FNDC3B: variants seen among roughly 807,000 people sequenced by gnomAD.
FNDC3B encodes the protein fibronectin type III domain containing 3B, also known as fibronectin type III domain-containing protein 3B.
In FNDC3B, 12 loss-of-function variants were observed where a neutral mutation model predicts 151.5. That is an observed-to-expected ratio of 0.08 (90% CI 0.05 to 0.13). The LOEUF (loss-of-function observed/expected upper bound fraction) is 0.13, where lower values mean the gene tolerates loss of function less well. Ranked by LOEUF, FNDC3B falls within the 10% of genes least tolerant of loss-of-function variation. The pLI is 1.00. For synonymous variants in FNDC3B, 528 were observed against 549.0 expected, an observed-to-expected ratio of 0.96 and a Z score of 0.54; for missense variants, 1,214 against 1,505.3, an observed-to-expected ratio of 0.81 and a Z score of 3.20.
chr3:172,128,755 T>C (rs547694168), intron 2 of FNDC3B, among the ~76,000 whole-genome samples: 17 of 152,298 alleles, frequency 1.1e-4, no homozygotes, highest in Non-Finnish European at 1.9e-4. Flanking sequence ...AAGATACCTG[T>C]TGGATAATCA....
intron 6 of FNDC3B, among the ~76,000 whole-genome samples, chr3:172,253,365 A>G (rs1296826358): frequency 6.6e-6 from 1 of 152,214 alleles, no homozygotes; most frequent in Non-Finnish European, 1.5e-5. Flanking sequence ...TGAATCACAT[A>G]GTGTAGACGA....
At chr3:172,211,024 A>G (rs75554255) in intron 3 of FNDC3B, among the ~76,000 whole-genome samples, 3,587 of 152,318 alleles carry the variant, frequency 0.024, 147 homozygotes, top group African/African-American at 0.083. Flanking sequence ...TGTTCCAGAA[A>G]CCTTTAAGTT....
intron 6 of FNDC3B, among the ~76,000 whole-genome samples, chr3:172,252,156 A>G (rs1728114217): frequency 6.6e-6 from 1 of 152,132 alleles, no homozygotes; most frequent in Admixed American, 6.5e-5. Flanking sequence ...TGGGTAGATC[A>G]GTTCATTTGG....
intron 3 of FNDC3B, among the ~76,000 whole-genome samples, chr3:172,183,688 C>G (rs1724031943): frequency 6.6e-6 from 1 of 152,196 alleles, no homozygotes; most frequent in Admixed American, 6.5e-5. Context: ...CTAAGATAAC[C>G]TGTTGAAGTA....
chr3:172,072,905 C>T (rs896801340), intron 1 of FNDC3B, among the ~76,000 whole-genome samples: 5 of 152,148 alleles, frequency 3.3e-5, no homozygotes, highest in African/African-American at 9.7e-5. Flanking sequence ...GTGCTTTCAT[C>T]TAAGCCTTTA....
intron 3 of FNDC3B, among the ~76,000 whole-genome samples, chr3:172,221,425 C>T (rs1045132700): frequency 4.0e-5 from 6 of 150,600 alleles, no homozygotes; most frequent in African/African-American, 1.5e-4. Flanking sequence ...AGCATGGTCC[C>T]TAGACAGCAG....
chr3:172,093,760 T>G (rs1718964677), intron 1 of FNDC3B, among the ~76,000 whole-genome samples: 1 of 152,184 alleles, frequency 6.6e-6, no homozygotes, highest in South Asian at 2.1e-4. Context: ...CTAACTTTAG[T>G]GTACTAAGGA....
At chr3:172,157,070 A>C (rs557328291) in intron 3 of FNDC3B, among the ~76,000 whole-genome samples, 2 of 152,328 alleles carry the variant, frequency 1.3e-5, no homozygotes, top group East Asian at 3.9e-4. Context: ...ATATGATACT[A>C]TTCTTGAAAA....
intron 1 of FNDC3B, among the ~76,000 whole-genome samples, chr3:172,097,118 G>A (rs1231352450): frequency 6.6e-6 from 1 of 152,126 alleles, no homozygotes; most frequent in Non-Finnish European, 1.5e-5. Flanking sequence ...TTGATTGACA[G>A]CGAGTTCTCC....
chr3:172,078,961 T>C (rs1356186117), intron 1 of FNDC3B, among the ~76,000 whole-genome samples: 1 of 152,228 alleles, frequency 6.6e-6, no homozygotes, highest in Non-Finnish European at 1.5e-5. Flanking sequence ...AACACACTGA[T>C]GACTTTTCCC....
chr3:172,259,063 A>G (rs892867451), intron 6 of FNDC3B, among the ~76,000 whole-genome samples: 1 of 152,146 alleles, frequency 6.6e-6, no homozygotes, highest in African/African-American at 2.4e-5. Flanking sequence ...TCTCAAGTCT[A>G]TAGGTGATGA....
At chr3:172,239,793 A>G (rs1183321647) in intron 4 of FNDC3B, among the ~76,000 whole-genome samples, 1 of 149,366 alleles carries the variant, frequency 6.7e-6, no homozygotes, top group Non-Finnish European at 1.5e-5. Flanking sequence ...AAAAAAAAGA[A>G]AAAAAGCAAA....
rs1720021368 is a variant in FNDC3B, at chr3:172,112,394, G to A, written c.-28-58G>A. The A allele has an allele frequency of 7.0e-5, 60 of 851,158 alleles. No individual in the cohort carries two copies. In the South Asian group the frequency reaches 7.8e-4, roughly 11 times the overall value. 52.7% of individuals were successfully genotyped at this position (851,158 alleles called of 1,614,324 possible). A position where few individuals can be genotyped will look rare whatever the true frequency, so the allele number is the denominator to read the frequency against. On this transcript the variant is annotated intron_variant, in intron 1 of 25. Transcript: ENST00000415807. ...CTTAGATTGTTATGTGACTTGTTGT[G>A]TTACAGGTGATTTTTGTGGTTCTGA...
chr3:172,085,910 C>G (rs1489877232), intron 1 of FNDC3B, among the ~76,000 whole-genome samples: 1 of 152,090 alleles, frequency 6.6e-6, no homozygotes, highest in East Asian at 1.9e-4. Flanking sequence ...TAGAAGGGCT[C>G]TATAGGTGTA....
chr3:172,174,922 T>TCC (rs1560001415), intron 3 of FNDC3B, among the ~76,000 whole-genome samples: 5 of 40,198 alleles, frequency 1.2e-4, no homozygotes, highest in African/African-American at 3.9e-4. Flanking sequence ...TTTGGAGACC[T>TCC]TCCCCCCGCC....
At chr3:172,247,483 C>A in intron 4 of FNDC3B, 50 bp from the exon 5 acceptor site, 2 of 1,574,758 alleles carry the variant, frequency 1.3e-6, no homozygotes, top group Admixed American at 1.8e-5. Flanking sequence ...TATATATATT[C>A]ATAGGCTGCT....
At chr3:172,299,198 G>A (rs964299706) in intron 9 of FNDC3B, among the ~76,000 whole-genome samples, 9 of 152,148 alleles carry the variant, frequency 5.9e-5, no homozygotes, top group African/African-American at 1.7e-4. Context: ...CAAGCACACC[G>A]TTAGACCTTA....
chr3:172,314,536 C>T (rs1731681385), intron 11 of FNDC3B, among the ~76,000 whole-genome samples: 1 of 152,188 alleles, frequency 6.6e-6, no homozygotes, highest in Non-Finnish European at 1.5e-5. Context: ...ATTTTTATTA[C>T]AGTATAACAG....
chr3:172,145,403 TTG>T (rs1228719707), intron 3 of FNDC3B, among the ~76,000 whole-genome samples: 1 of 152,232 alleles, frequency 6.6e-6, no homozygotes, highest in Non-Finnish European at 1.5e-5. Context: ...ACCAGATGAA[TTG>T]TGTTTCCTGT....
Sources: gnomAD v4.1 joint callset for allele counts (sites outside exome capture counted in the v4.1 genomes callset) on GRCh38, gnomAD v4.1.1 for gene constraint, MANE v1.5 for transcripts, NCBI Gene and HGNC (gene_info 2026-07-23, HGNC 2026-07-21) for gene names.